JMJD1C: variants seen among roughly 807,000 people sequenced by gnomAD.
JMJD1C encodes jumonji domain-containing protein 1C.
In JMJD1C, 31 loss-of-function variants were observed where a neutral mutation model predicts 245.3. The observed-to-expected ratio is 0.13, with a 90% confidence interval of 0.09 to 0.17. The LOEUF is 0.17. JMJD1C is among the 10% of genes least tolerant of loss of function. JMJD1C has a pLI of 1.00. For missense variants in JMJD1C, 2,691 were observed against 3,000.2 expected (o/e 0.90, Z 2.41); for synonymous variants, 1,057 against 1,017.4 (o/e 1.04, Z -0.74).
chr10:63,292,465 G>T (rs1365116298), intron 2 of JMJD1C, among the ~76,000 whole-genome samples: 1 of 151,592 alleles, frequency 6.6e-6, no homozygotes, highest in Non-Finnish European at 1.5e-5. Context: ...ACAAAAATTA[G>T]CTACACATGG....
chr10:63,259,351 T>C (rs1854400459), intron 3 of JMJD1C, among the ~76,000 whole-genome samples: 1 of 152,186 alleles, frequency 6.6e-6, no homozygotes, highest in South Asian at 2.1e-4. Flanking sequence ...CTTATTTGCA[T>C]TATTCCATCC....
chr10:63,336,856 T>C (rs1942788259), intron 2 of JMJD1C, among the ~76,000 whole-genome samples: 1 of 152,128 alleles, frequency 6.6e-6, no homozygotes. Context: ...TTTTTGTTTG[T>C]TTTTTAAGAC....
intron 1 of JMJD1C, among the ~76,000 whole-genome samples, chr10:63,398,697 G>A (rs1948667646): frequency 3.3e-5 from 5 of 151,660 alleles, no homozygotes; most frequent in Admixed American, 3.3e-4. Context: ...AAGCTGGAGG[G>A]CAGTGGCGCA....
chr10:63,277,731 C>CTTTTTTTTTTTATTTTTTTTTTTTTTTT (rs1856946263), intron 2 of JMJD1C, among the ~76,000 whole-genome samples: 1 of 64,262 alleles, frequency 1.6e-5, no homozygotes, highest in African/African-American at 7.1e-5. Context: ...ATTTGCATTT[C>CTTTTTTTTTTTATTTTTTTTTTTTTTTT]TTTTTTTTTT....
At chr10:63,521,576 G>C in intron 1 of JMJD1C, 1 of 1,431,112 alleles carries the variant, frequency 7.0e-7, no homozygotes, top group Non-Finnish European at 9.2e-7. Flanking sequence ...CAGAGCCGTG[G>C]TGTAAGTGCC....
At chr10:63,515,162 C>A (rs1954980922) in intron 1 of JMJD1C, among the ~76,000 whole-genome samples, 1 of 152,086 alleles carries the variant, frequency 6.6e-6, no homozygotes, top group Non-Finnish European at 1.5e-5. Context: ...ATTTCCCTTC[C>A]CACAACTGGA....
In JMJD1C at chr10:63,207,045, T is replaced by G. The variant is rs896473194; in HGVS notation, c.4624A>C (p.Ser1542Arg). The G allele has an allele frequency of 1.9e-6, 3 of 1,614,072 alleles. No individual in the cohort carries two copies. Among genetic ancestry groups the G allele is most frequent in the Non-Finnish European group, 2.5e-6 (3 of 1,180,030 alleles). ...SVGNGQASQT[S>R]QPNYHTKLKK... The stretch of plus-strand genomic sequence containing the variant: ...AGTTTAGTATGGTAGTTTGGTTGAC[T>G]TGTCTGGGAAGCTTGCCCATTTCCT... Residue 1542 changes from serine (S) to arginine (R), a missense_variant, in exon 10 of 26, where the codon AGT (serine) becomes CGT (arginine). This residue lies in a region of JMJD1C where 1,562 missense variants were observed against 1,490.7 expected (regional missense o/e 1.05). Coordinates refer to ENST00000399262, the MANE Select transcript of JMJD1C (RefSeq NM_032776.3).
At chr10:63,226,457 A>G (rs536479560) in intron 3 of JMJD1C, among the ~76,000 whole-genome samples, 2 of 152,042 alleles carry the variant, frequency 1.3e-5, no homozygotes, top group African/African-American at 4.8e-5. Context: ...TCACACCTAT[A>G]ATCCCAGCAC....
In JMJD1C at chr10:63,193,373, T is replaced by C. The variant is rs1049222747; in HGVS notation, c.5834A>G (p.Asn1945Ser). ...AGATACACCATTCATTGTAGGAAAA[T>C]TTCCAACTTGTAAATTCTGTTTGTT... ...CTNKQNLQVG[N>S]FPTMNGVSQV... The change falls in exon 15 of 26, where the codon AAT becomes AGT. Residue 1945 changes from asparagine (N) to serine (S), a missense_variant. Physicochemically the swap from Asn to Ser is conservative, Grantham distance 46 (BLOSUM62 1). Around this residue, in one of 9 missense-constraint regions of JMJD1C, gnomAD observed 275 missense variants for 285.5 expected, o/e 0.96. Transcript: ENST00000399262. 4 of 1,602,968 alleles carry C rather than the reference T, an allele frequency of 2.5e-6. No homozygotes were observed. In the African/African-American group the frequency reaches 4.0e-5, roughly 16 times the overall value.
chr10:63,287,401 T>C (rs752707439), intron 2 of JMJD1C, among the ~76,000 whole-genome samples: 6 of 152,216 alleles, frequency 3.9e-5, no homozygotes, highest in Non-Finnish European at 8.8e-5. Context: ...ATTGATATCA[T>C]TTGAAATGAA....
intron 1 of JMJD1C, among the ~76,000 whole-genome samples, chr10:63,473,245 T>TA (rs558384171): frequency 2.7e-5 from 4 of 146,938 alleles, no homozygotes; most frequent in Middle Eastern, 6.8e-3. Context: ...CACATTTGGT[T>TA]AAAAAAACTT....
intron 1 of JMJD1C, among the ~76,000 whole-genome samples, chr10:63,490,191 T>G (rs1446270260): frequency 1.3e-5 from 2 of 152,140 alleles, no homozygotes; most frequent in Admixed American, 6.5e-5. Flanking sequence ...ACAAGCTGTC[T>G]CCAACCTGAG....
At chr10:63,231,790 T>A (rs1850043591) in intron 3 of JMJD1C, among the ~76,000 whole-genome samples, 1 of 152,156 alleles carries the variant, frequency 6.6e-6, no homozygotes, top group Non-Finnish European at 1.5e-5. Context: ...CGAGACTCCG[T>A]CTAAAAAAAT....
At chr10:63,168,229 G>C in intron 25 of JMJD1C, 95 bp from the exon 26 acceptor site, 1 of 1,089,754 alleles carries the variant, frequency 9.2e-7, no homozygotes, top group Non-Finnish European at 1.4e-6. Flanking sequence ...TAGGGAACTA[G>C]GAAAGCCAAA....
chr10:63,419,520 A>G (rs1949997542), intron 1 of JMJD1C, among the ~76,000 whole-genome samples: 1 of 152,190 alleles, frequency 6.6e-6, no homozygotes, highest in Non-Finnish European at 1.5e-5. Context: ...TAAGCAAAGC[A>G]CTGTCAGCTA....
intron 10 of JMJD1C, chr10:63,204,503 T>C: frequency 1.0e-6 from 1 of 985,414 alleles, no homozygotes; most frequent in South Asian, 4.7e-5. Context: ...TGTTTTTGTT[T>C]TTTAAGTTTT....
chr10:63,377,323 T>C (rs776152177), intron 2 of JMJD1C, among the ~76,000 whole-genome samples: 3 of 152,170 alleles, frequency 2.0e-5, no homozygotes, highest in Non-Finnish European at 4.4e-5. Context: ...TGGATGACAA[T>C]AGTGGTAACA....
chr10:63,449,769 A>G (rs1197997100), intron 1 of JMJD1C, among the ~76,000 whole-genome samples: 7 of 152,136 alleles, frequency 4.6e-5, no homozygotes, highest in Admixed American at 4.6e-4. Context: ...CAGACTCAGT[A>G]ATGAAAAGAT....
chr10:63,429,043 C>G (rs982630188), intron 1 of JMJD1C, among the ~76,000 whole-genome samples: 6 of 152,116 alleles, frequency 3.9e-5, no homozygotes, highest in African/African-American at 1.4e-4. Context: ...TGCAATGGCA[C>G]GATCTCAGCT....
Sources: gnomAD v4.1 joint callset for allele counts (sites outside exome capture counted in the v4.1 genomes callset) on GRCh38, gnomAD v4.1.1 for gene constraint, gnomAD v4.1.1 regional missense constraint, MANE v1.5 for transcripts, NCBI Gene and HGNC (gene_info 2026-07-23, HGNC 2026-07-21) for gene names.